The following KCNK2 variants were observed in gnomAD, a reference collection of about 807,000 sequenced individuals.
KCNK2 encodes potassium channel subfamily K member 2.
KCNK2 carries 21 observed loss-of-function variants against 40.5 expected under a neutral mutation model. The observed-to-expected ratio is 0.52, with a 90% CI of 0.37 to 0.75. The LOEUF is 0.75. Ranked by LOEUF, KCNK2 falls within the 30% of genes least tolerant of loss-of-function variation. The probability of loss-of-function intolerance (pLI) is 0.00; values close to 1 mark genes in which losing one functional copy is unlikely to be tolerated. For missense variants in KCNK2, 399 were observed against 531.6 expected, an observed-to-expected ratio of 0.75 and a Z score of 2.45; for synonymous variants, 191 against 202.2, an observed-to-expected ratio of 0.94 and a Z score of 0.47.
chr1:215,169,928 G>T (rs921882042), intron 4 of KCNK2, among the ~76,000 whole-genome samples: 1 of 152,070 alleles, frequency 6.6e-6, no homozygotes, highest in Non-Finnish European at 1.5e-5. Flanking sequence ...TTACAGGCTT[G>T]AGCCACCGTG....
intron 3 of KCNK2, among the ~76,000 whole-genome samples, chr1:215,129,034 G>A (rs1446699313): frequency 1.3e-5 from 2 of 152,134 alleles, no homozygotes; most frequent in African/African-American, 2.4e-5. Flanking sequence ...AGGGAAGGAG[G>A]GATGTATTGA....
Position 215,236,536 on chromosome 1 carries a change from A to G in KCNK2, c.*1391A>G, listed in dbSNP as rs1308804083. 3.3e-5 allele frequency: 5 copies of G among 152,556 alleles called. No homozygotes were observed. In the East Asian group the frequency reaches 9.6e-4, roughly 29 times the overall value. 9.5% of individuals were successfully genotyped at this position (152,556 alleles called of 1,614,324 possible). Reference sequence around the variant, plus strand: ...GTTTGCTGTGTTTTTTTTTCACATAAAAGAGGCTGATTATTCTTTTTAGTT... The same window carrying G: ...GTTTGCTGTGTTTTTTTTTCACATAGAAGAGGCTGATTATTCTTTTTAGTT... On this transcript the variant is annotated 3_prime_UTR_variant, in exon 7 of 7. Coordinates refer to ENST00000444842, the MANE Select transcript of KCNK2 (RefSeq NM_001017425.3).
chr1:215,121,049 T>A (rs1357296411), intron 2 of KCNK2, among the ~76,000 whole-genome samples: 1 of 152,232 alleles, frequency 6.6e-6, no homozygotes, highest in Admixed American at 6.5e-5. Flanking sequence ...GTCATTATTC[T>A]TATTTAACTT....
Position 215,189,675 on chromosome 1 carries a change from G to T in KCNK2, c.824-5278G>T, listed in dbSNP as rs1445772639. Among the ~76,000 whole-genome samples the T allele has an allele frequency of 2.6e-5, 4 of 152,136 alleles. No individual in the cohort carries two copies. In the East Asian group the frequency reaches 5.8e-4, roughly 22 times the overall value. On this transcript the variant is annotated intron_variant, in intron 5 of 6. Coordinates refer to ENST00000444842, the MANE Select transcript of KCNK2 (RefSeq NM_001017425.3). ...AAAAGTTTAGTTTAGTAGGTAAGCT[G>T]TTGTTTAATACTGAAGTCATATTTC...
chr1:215,185,672 CT>C (rs1461338472), intron 5 of KCNK2, among the ~76,000 whole-genome samples: 1 of 152,116 alleles, frequency 6.6e-6, no homozygotes, highest in Admixed American at 6.6e-5. Flanking sequence ...AGTGTTCTCG[CT>C]TAATTTTGCT....
intron 6 of KCNK2, among the ~76,000 whole-genome samples, chr1:215,205,636 G>A (rs1665284945): frequency 6.6e-6 from 1 of 152,168 alleles, no homozygotes; most frequent in Non-Finnish European, 1.5e-5. Flanking sequence ...ATGTCAGCCT[G>A]GGTCCCTGAG....
At chr1:215,205,354 C>T (rs1224042286) in intron 6 of KCNK2, among the ~76,000 whole-genome samples, 3 of 152,106 alleles carry the variant, frequency 2.0e-5, no homozygotes, top group African/African-American at 7.2e-5. Context: ...TTTTCTGCCT[C>T]AGCCTCCCAA....
At chr1:215,091,718 C>T (rs1003463525) in intron 2 of KCNK2, among the ~76,000 whole-genome samples, 1 of 152,004 alleles carries the variant, frequency 6.6e-6, no homozygotes, top group African/African-American at 2.4e-5. Context: ...TGTTGGATGG[C>T]GTTGGTGATT....
At chr1:215,178,237 G>A (rs1038904558) in intron 5 of KCNK2, among the ~76,000 whole-genome samples, 1 of 152,084 alleles carries the variant, frequency 6.6e-6, no homozygotes, top group Non-Finnish European at 1.5e-5. Context: ...TACTGAAGTT[G>A]TTTATTACAG....
intron 3 of KCNK2, among the ~76,000 whole-genome samples, chr1:215,125,777 T>TATATAA (rs1351841467): frequency 8.0e-4 from 34 of 42,424 alleles, no homozygotes; most frequent in Non-Finnish European, 2.0e-3. Flanking sequence ...TATATATATA[T>TATATAA]AAAATAAAAT....
intron 2 of KCNK2, among the ~76,000 whole-genome samples, chr1:215,106,569 G>A (rs1352644646): frequency 6.6e-6 from 1 of 151,888 alleles, no homozygotes; most frequent in Admixed American, 6.6e-5. Flanking sequence ...TTCTTTTCCT[G>A]GGCAGAAGCT....
intron 6 of KCNK2, among the ~76,000 whole-genome samples, chr1:215,232,114 A>G (rs1461117978): frequency 6.6e-6 from 1 of 152,234 alleles, no homozygotes; most frequent in Non-Finnish European, 1.5e-5. Flanking sequence ...AATACTTTGT[A>G]CACATTAGCA....
chr1:215,046,300 C>T (rs568499655), intron 1 of KCNK2, among the ~76,000 whole-genome samples: 10 of 151,910 alleles, frequency 6.6e-5, no homozygotes, highest in South Asian at 6.2e-4. Context: ...AAAAAATCCT[C>T]GAAGAATATA....
intron 1 of KCNK2, among the ~76,000 whole-genome samples, chr1:215,059,429 T>C (rs1230770779): frequency 3.6e-5 from 5 of 138,458 alleles, no homozygotes; most frequent in African/African-American, 1.2e-4. Context: ...GCTCCCTTAA[T>C]TTGGTAAGTT....
intron 1 of KCNK2, among the ~76,000 whole-genome samples, chr1:215,043,732 C>T (rs1340443312): frequency 6.6e-6 from 1 of 152,112 alleles, no homozygotes; most frequent in African/African-American, 2.4e-5. Flanking sequence ...GATGCTTGCA[C>T]AACCATCTGA....
Position 215,054,404 on chromosome 1 carries a change from G to C in KCNK2, c.35-31964G>C, listed in dbSNP as rs142351981. 1.2e-3 allele frequency among the ~76,000 whole-genome samples: 179 copies of C among 152,266 alleles called. 1 individual carries two copies. Among genetic ancestry groups the C allele is most frequent in the African/African-American group, 4.1e-3 (169 of 41,546 alleles). ...TTTTCAAAGGCTGCTTTGTCTTCAG[G>C]ACCATCCCTGCACCAGGAACACGTA... On this transcript the variant is annotated intron_variant, in intron 1 of 6. Coordinates refer to the KCNK2 transcript ENST00000391895.
At chr1:215,086,717 A>C in intron 2 of KCNK2, 39 bp downstream of exon 2, 1 of 1,564,524 alleles carries the variant, frequency 6.4e-7, no homozygotes, top group Non-Finnish European at 8.7e-7. Context: ...GTTCCCCCAA[A>C]TGGGAAATAA....
intron 3 of KCNK2, among the ~76,000 whole-genome samples, chr1:215,143,762 A>G (rs1283972606): frequency 6.6e-6 from 1 of 152,152 alleles, no homozygotes; most frequent in Non-Finnish European, 1.5e-5. Context: ...TGAAAAATGT[A>G]GAGTATCTAT....
chr1:215,177,738 A>AT (rs1232317385), intron 5 of KCNK2, among the ~76,000 whole-genome samples: 782 of 51,892 alleles, frequency 0.015, 10 homozygotes, highest in African/African-American at 0.044. Flanking sequence ...ATATATATAT[A>AT]TATTTTTTTT....
Sources: gnomAD v4.1 joint callset for allele counts (sites outside exome capture counted in the v4.1 genomes callset) on GRCh38, gnomAD v4.1.1 for gene constraint, MANE v1.5 for transcripts, NCBI Gene and HGNC (gene_info 2026-07-23, HGNC 2026-07-21) for gene names.